The following PDZD2 variants were observed in gnomAD, a reference collection of about 807,000 sequenced individuals.
PDZD2 encodes the protein PDZ domain-containing protein 2.
A neutral mutation model predicts 220.7 loss-of-function variants in PDZD2; 90 were observed. The ratio of observed to expected loss-of-function variants is 0.41; its 90% CI spans 0.34 to 0.49. PDZD2 has a LOEUF of 0.49. Among genes scored for constraint, PDZD2 ranks in the 20% least tolerant of loss-of-function variants. The pLI is 0.28. For missense variants in PDZD2, 3,174 were observed against 3,608.5 expected, an observed-to-expected ratio of 0.88 and a Z score of 3.08; for synonymous variants, 1,375 against 1,450.5, an observed-to-expected ratio of 0.95 and a Z score of 1.18.
At chr5:31,839,492 C>A (rs1323366008) in intron 2 of PDZD2, among the ~76,000 whole-genome samples, 1 of 152,202 alleles carries the variant, frequency 6.6e-6, no homozygotes, top group African/African-American at 2.4e-5. Context: ...GAACTGAGAT[C>A]TGCCTAAGAG....
chr5:31,940,876 T>C (rs1481625992), intron 2 of PDZD2, among the ~76,000 whole-genome samples: 1 of 152,224 alleles, frequency 6.6e-6, no homozygotes, highest in Non-Finnish European at 1.5e-5. Flanking sequence ...CTTGTGTTTA[T>C]GTATTGTGTT....
intron 2 of PDZD2, among the ~76,000 whole-genome samples, chr5:31,966,151 G>A (rs1748729517): frequency 6.6e-6 from 1 of 152,132 alleles, no homozygotes; most frequent in African/African-American, 2.4e-5. Context: ...GACCTTGGGC[G>A]AGTTAATCTC....
chr5:31,739,442 T>C (rs974306153), intron 1 of PDZD2, among the ~76,000 whole-genome samples: 2 of 152,180 alleles, frequency 1.3e-5, no homozygotes, highest in Non-Finnish European at 2.9e-5. Flanking sequence ...CCATTTGTTG[T>C]AGTATTATAT....
Position 32,034,212 on chromosome 5 carries a change from C to G in PDZD2, c.1408-3019C>G, listed in dbSNP as rs181623189. 1.6e-3 allele frequency among the ~76,000 whole-genome samples: 238 copies of G among 152,262 alleles called. 1 individual carries two copies. The highest frequency in any genetic ancestry group is 5.1e-3 in the African/African-American group (213 of 41,540). On this transcript the variant is annotated intron_variant, in intron 6 of 24. Coordinates refer to ENST00000438447, the MANE Select transcript of PDZD2 (RefSeq NM_178140.4). ...GGCATGAGCATCTCAGACAGACTTTCCAACGTTTGGGACCTTGGCCACTGT... is the reference window on the plus strand; with the variant it reads ...GGCATGAGCATCTCAGACAGACTTTGCAACGTTTGGGACCTTGGCCACTGT...
At chr5:31,769,656 G>A (rs1752229878) in intron 1 of PDZD2, among the ~76,000 whole-genome samples, 1 of 152,176 alleles carries the variant, frequency 6.6e-6, no homozygotes, top group African/African-American at 2.4e-5. Context: ...CTGAAGAGTT[G>A]GAAGAAGTCA....
At chr5:31,801,424 T>C (rs1398214090) in intron 2 of PDZD2, among the ~76,000 whole-genome samples, 1 of 152,194 alleles carries the variant, frequency 6.6e-6, no homozygotes, top group Non-Finnish European at 1.5e-5. Flanking sequence ...TGACTCAGCT[T>C]CCTGGAGGCT....
At chr5:32,048,396 G>A (rs1482187947) in intron 7 of PDZD2, 143 bp from the exon 8 acceptor site, 2 of 655,680 alleles carry the variant, frequency 3.1e-6, no homozygotes, top group Non-Finnish European at 5.3e-6. Flanking sequence ...GGATGGGCTA[G>A]GCTCTGTGCT....
chr5:32,046,269 C>G (rs1369123715), intron 7 of PDZD2, among the ~76,000 whole-genome samples: 1 of 149,724 alleles, frequency 6.7e-6, no homozygotes, highest in East Asian at 1.9e-4. Flanking sequence ...TTGAGACAGT[C>G]TCTCACAGTG....
At chr5:31,677,252 G>A (rs1296501991) in intron 1 of PDZD2, among the ~76,000 whole-genome samples, 1 of 152,106 alleles carries the variant, frequency 6.6e-6, no homozygotes, top group East Asian at 1.9e-4. Flanking sequence ...TGGGTTTCAG[G>A]GGAGCTTCTG....
intron 23 of PDZD2, 65 bp from the exon 24 acceptor site, chr5:32,101,040 G>T (rs1026869174): frequency 1.4e-5 from 22 of 1,605,436 alleles, no homozygotes; most frequent in Non-Finnish European, 1.8e-5. Context: ...CATCCTGGGG[G>T]ACTTGGACAT....
rs70957998 is a variant in PDZD2 at position 32,025,591 on chromosome 5, CTTTTTTTTTTTTT to C, written c.1408-11624_1408-11612del. On this transcript the variant is annotated intron_variant, in intron 6 of 24. Coordinates refer to ENST00000438447, the MANE Select transcript of PDZD2 (RefSeq NM_178140.4). ...AGTGAGCCCAAATGTAACCATGATG[CTTTTTTTTTTTTT>C]TTTTTTTTTTTTTTTGGAAACAGTC... Among the ~76,000 whole-genome samples the C allele has an allele frequency of 2.5e-3, 167 of 67,526 alleles. 4 individuals carry two copies. The highest frequency in any genetic ancestry group is 9.8e-3 in the African/African-American group (150 of 15,252). 44.3% of individuals were successfully genotyped at this position (67,526 alleles called of 152,430 possible). A position where few individuals can be genotyped will look rare whatever the true frequency, so the allele number is the denominator to read the frequency against.
At chr5:31,980,196 A>T (rs1339200645) in intron 2 of PDZD2, among the ~76,000 whole-genome samples, 1 of 152,164 alleles carries the variant, frequency 6.6e-6, no homozygotes, top group African/African-American at 2.4e-5. Flanking sequence ...ATTAGCAGTG[A>T]GTCCCAATTC....
intron 1 of PDZD2, among the ~76,000 whole-genome samples, chr5:31,741,070 G>A (rs1750232011): frequency 6.6e-6 from 1 of 152,020 alleles, no homozygotes; most frequent in Admixed American, 6.6e-5. Flanking sequence ...CTATTTGGGG[G>A]CAAAAAATTG....
At chr5:32,059,215 T>C (rs1185662140) in intron 12 of PDZD2, 24 bp from the exon 13 acceptor site, 1 of 1,351,524 alleles carries the variant, frequency 7.4e-7, no homozygotes, top group Non-Finnish European at 1.0e-6. Context: ...TGTTTTTATT[T>C]TCTTTGAATG....
At chr5:31,829,689 CCTT>C (rs1756446845) in intron 2 of PDZD2, among the ~76,000 whole-genome samples, 3 of 152,128 alleles carry the variant, frequency 2.0e-5, no homozygotes, top group Non-Finnish European at 2.9e-5. Context: ...TCAGAGCCCT[CCTT>C]CTTACCTCTT....
At chr5:31,802,402 A>G (rs1754443163) in intron 2 of PDZD2, among the ~76,000 whole-genome samples, 1 of 152,180 alleles carries the variant, frequency 6.6e-6, no homozygotes, top group Non-Finnish European at 1.5e-5. Context: ...TCTGACTCCC[A>G]GCCAAATGTC....
intron 1 of PDZD2, among the ~76,000 whole-genome samples, chr5:31,679,290 C>T (rs1480074176): frequency 5.9e-5 from 9 of 152,246 alleles, no homozygotes; most frequent in African/African-American, 1.9e-4. Context: ...TTCGCTTTTG[C>T]GAAGCAGCTT....
At chr5:31,959,647 G>A (rs1396730344) in intron 2 of PDZD2, among the ~76,000 whole-genome samples, 2 of 152,168 alleles carry the variant, frequency 1.3e-5, no homozygotes, top group African/African-American at 4.8e-5. Context: ...ACTGCACCTG[G>A]CCTGTTGTGA....
At chr5:31,823,868 T>C (rs1013685114) in intron 2 of PDZD2, among the ~76,000 whole-genome samples, 1 of 152,220 alleles carries the variant, frequency 6.6e-6, no homozygotes, top group Admixed American at 6.5e-5. Context: ...GTTTCTTCCA[T>C]TCTGGATTGG....
Sources: gnomAD v4.1 joint callset for allele counts (sites outside exome capture counted in the v4.1 genomes callset) on GRCh38, gnomAD v4.1.1 for gene constraint, MANE v1.5 for transcripts, NCBI Gene and HGNC (gene_info 2026-07-23, HGNC 2026-07-21) for gene names.